The following PSPC1 variants were observed in gnomAD, a reference collection of about 807,000 sequenced individuals.
The protein encoded by PSPC1 is paraspeckle protein 1.
PSPC1 carries 14 observed loss-of-function variants against 51.6 expected under a neutral mutation model. That is an observed-to-expected ratio of 0.27 (90% CI 0.18 to 0.42). The LOEUF (loss-of-function observed/expected upper bound fraction) is 0.42, where lower values mean the gene tolerates loss of function less well. Among genes scored for constraint, PSPC1 ranks in the 10% least tolerant of loss-of-function variants. The pLI, the probability that PSPC1 is intolerant of heterozygous loss-of-function variation, is 1.00. For synonymous variants in PSPC1, 193 were observed against 231.9 expected (o/e 0.83, Z 1.53); for missense variants, 406 against 701.1 (o/e 0.58, Z 4.75).
At chr13:19,743,953 C>T (rs1474563308) in intron 4 of PSPC1, among the ~76,000 whole-genome samples, 1 of 151,954 alleles carries the variant, frequency 6.6e-6, no homozygotes, top group Non-Finnish European at 1.5e-5. Flanking sequence ...ACTAAAAACA[C>T]AAAAATTAGC....
chr13:19,721,161 C>T (rs1882724104), intron 6 of PSPC1, among the ~76,000 whole-genome samples: 1 of 152,132 alleles, frequency 6.6e-6, no homozygotes, highest in Admixed American at 6.5e-5. Flanking sequence ...AATTTACCGT[C>T]ACTATGTAGA....
At chr13:19,701,800 T>C (rs987663688), downstream of PSPC1, among the ~76,000 whole-genome samples, 1 of 152,200 alleles carries the variant, frequency 6.6e-6, no homozygotes, top group African/African-American at 2.4e-5. Context: ...TAGCAAACCA[T>C]AATGATGTTT....
chr13:19,768,331 G>A (rs929369555), intron 2 of PSPC1, among the ~76,000 whole-genome samples: 1 of 152,064 alleles, frequency 6.6e-6, no homozygotes, highest in Admixed American at 6.6e-5. Flanking sequence ...AATTCAGTAA[G>A]AAGACAATCT....
chr13:19,712,514 A>C (rs1423283001), intron 6 of PSPC1, among the ~76,000 whole-genome samples: 1 of 152,162 alleles, frequency 6.6e-6, no homozygotes, highest in African/African-American at 2.4e-5. Flanking sequence ...ATCCATTGTC[A>C]TTAAGAAAAT....
chr13:19,773,929 T>A (rs530852962), intron 1 of PSPC1, among the ~76,000 whole-genome samples: 2 of 152,252 alleles, frequency 1.3e-5, no homozygotes, highest in South Asian at 4.1e-4. Flanking sequence ...AAGTGTAAGA[T>A]TACAGGTGTG....
intron 3 of PSPC1, among the ~76,000 whole-genome samples, chr13:19,753,038 T>C (rs1320594764): frequency 6.6e-6 from 1 of 151,590 alleles, no homozygotes; most frequent in African/African-American, 2.4e-5. Context: ...ATCCCAGCCC[T>C]TTGGGAGGCT....
At chr13:19,708,372 T>C (rs1462592342) in intron 7 of PSPC1, among the ~76,000 whole-genome samples, 1 of 152,254 alleles carries the variant, frequency 6.6e-6, no homozygotes, top group African/African-American at 2.4e-5. Flanking sequence ...TAAAGATTTT[T>C]AGCTTCATAA....
chr13:19,711,893 A>G (rs1032140105), intron 6 of PSPC1, among the ~76,000 whole-genome samples: 2 of 151,950 alleles, frequency 1.3e-5, no homozygotes, highest in Non-Finnish European at 1.5e-5. Flanking sequence ...CTCATCAAGC[A>G]TTATATTTAG....
intron 3 of PSPC1, among the ~76,000 whole-genome samples, chr13:19,753,466 C>T (rs1886771752): frequency 6.6e-6 from 1 of 152,070 alleles, no homozygotes; most frequent in African/African-American, 2.4e-5. Context: ...TCTCAAACTC[C>T]TGGAAGCAAT....
intron 3 of PSPC1, among the ~76,000 whole-genome samples, chr13:19,755,051 G>C (rs529528750): frequency 2.4e-4 from 36 of 152,058 alleles, no homozygotes; most frequent in African/African-American, 8.4e-4. Flanking sequence ...TGAGCAACAT[G>C]ACAAAACTCT....
At chr13:19,775,908 G>A (rs1034380202) in intron 1 of PSPC1, among the ~76,000 whole-genome samples, 58 of 152,008 alleles carry the variant, frequency 3.8e-4, no homozygotes, top group Admixed American at 2.6e-3. Flanking sequence ...AAAATTAGCC[G>A]GACGTGGCAG....
chr13:19,682,088 A>G (rs1483684644), intron 6 of PSPC1, among the ~76,000 whole-genome samples: 1 of 152,244 alleles, frequency 6.6e-6, no homozygotes, highest in Non-Finnish European at 1.5e-5. Context: ...CAAACATGAA[A>G]GAACTTGACA....
At chr13:19,722,979 CG>C (rs1421159869) in intron 6 of PSPC1, among the ~76,000 whole-genome samples, 1 of 152,002 alleles carries the variant, frequency 6.6e-6, no homozygotes, top group African/African-American at 2.4e-5. Context: ...GATGTAGTGG[CG>C]AGCACCTGTA....
chr13:19,707,376 A>G (rs924805392), intron 7 of PSPC1, among the ~76,000 whole-genome samples: 1 of 152,234 alleles, frequency 6.6e-6, no homozygotes, highest in Non-Finnish European at 1.5e-5. Context: ...GCATTATCTG[A>G]TTACTAGAAA....
intron 2 of PSPC1, among the ~76,000 whole-genome samples, chr13:19,768,054 CT>C (rs993553059): frequency 6.6e-6 from 1 of 151,530 alleles, no homozygotes; most frequent in Non-Finnish European, 1.5e-5. Context: ...CTCATATCTA[CT>C]TTAAAAAAAA....
chr13:19,709,547 A>G lies in PSPC1; in HGVS notation c.1211T>C (p.Met404Thr). ...CTTTTGCTTCAAATCCCTACCTCCC[A>G]TGTTTATTGCTCCACGGGGACCCAT... ...GDMGPRGAINMGDAFSPAPAG... is the reference protein window; with the variant it reads ...GDMGPRGAINTGDAFSPAPAG... Residue 404 changes from methionine (M) to threonine (T), a missense_variant, in exon 7 of 9, where the codon ATG becomes ACG. This residue lies in a region of PSPC1 where 61 missense variants were observed against 78.4 expected (regional missense o/e 0.78). Coordinates refer to ENST00000338910, the MANE Select transcript of PSPC1 (RefSeq NM_001354909.2). 3 of 1,611,778 alleles carry G rather than the reference A, an allele frequency of 1.9e-6. No individual in the cohort carries two copies. Among genetic ancestry groups the G allele is most frequent in the Non-Finnish European group, 2.5e-6 (3 of 1,179,196 alleles).
At position 19,782,693 on chromosome 13, in the gene PSPC1, A is replaced by G. The variant is rs531096071; in HGVS notation, c.65T>C (p.Leu22Pro). ...CTCGCTCTCGCCCACCGCGGACTCC[A>G]GGGCGCGAAGGCGGGCCGGGTTTTT... ...IEKNPARLRA[L>P]ESAVGESEPA... The change falls in exon 1 of 9, where the codon CTG becomes CCG. Residue 22 changes from leucine (L) to proline (P), a missense_variant. By Grantham distance (98) the Leu-to-Pro change is moderately conservative. Coordinates refer to ENST00000338910, the MANE Select transcript of PSPC1 (RefSeq NM_001354909.2). This position sits in a 1 kb window ranked among gnomAD's most constrained non-coding sequence, Gnocchi z 4.5. The G allele has an allele frequency of 1.3e-6, 2 of 1,571,714 alleles. No homozygotes were observed. The highest frequency in any genetic ancestry group is 1.9e-4 in the Middle Eastern group (1 of 5,400).
intron 6 of PSPC1, among the ~76,000 whole-genome samples, chr13:19,717,026 T>C (rs187530231): frequency 4.1e-5 from 6 of 145,524 alleles, no homozygotes; most frequent in Admixed American, 1.4e-4. Flanking sequence ...CCCATCTCTA[T>C]GAAAAGCTTG....
chr13:19,671,828 C>A, downstream of PSPC1: 1 of 1,614,016 alleles, frequency 6.2e-7, no homozygotes, highest in East Asian at 2.2e-5. Context: ...TCTTTTCTTT[C>A]AACAGGTTAA....
Sources: allele counts gnomAD v4.1 joint callset (sites outside exome capture counted in the v4.1 genomes callset), GRCh38; gene constraint gnomAD v4.1.1; regional missense constraint gnomAD v4.1.1; non-coding constraint Gnocchi (gnomAD v3.1); transcripts MANE v1.5; gene names NCBI Gene and HGNC (gene_info 2026-07-23, HGNC 2026-07-21).